NARS2: variants seen among roughly 807,000 people sequenced by gnomAD.
NARS2 encodes the protein asparaginyl-tRNA synthetase.
In NARS2, 60 loss-of-function variants were observed where a neutral mutation model predicts 62.9. The ratio of observed to expected loss-of-function variants is 0.95; its 90% CI spans 0.77 to 1.18. The LOEUF (loss-of-function observed/expected upper bound fraction) is 1.18, where lower values mean the gene tolerates loss of function less well. NARS2 is among the 50% of genes most tolerant of loss of function. The pLI is 0.00. For missense variants in NARS2, 619 were observed against 576.4 expected, an observed-to-expected ratio of 1.07 and a Z score of -0.76; for synonymous variants, 196 against 200.0, an observed-to-expected ratio of 0.98 and a Z score of 0.17.
chr11:78,490,977 T>G (rs1381539292), intron 7 of NARS2, among the ~76,000 whole-genome samples: 1 of 152,146 alleles, frequency 6.6e-6, no homozygotes, highest in Non-Finnish European at 1.5e-5. Flanking sequence ...TTTACTAATA[T>G]AACTGAGAAA....
At chr11:78,437,987 AAG>A (rs1555006461) in intron 13 of NARS2, among the ~76,000 whole-genome samples, 5 of 139,790 alleles carry the variant, frequency 3.6e-5, no homozygotes, top group African/African-American at 1.0e-4. Flanking sequence ...AAAAAAAAAA[AAG>A]AAAGAAAAAA....
intron 6 of NARS2, among the ~76,000 whole-genome samples, chr11:78,510,997 G>A (rs1050394395): frequency 6.6e-6 from 1 of 152,196 alleles, no homozygotes; most frequent in Non-Finnish European, 1.5e-5. Flanking sequence ...CCTAAGAGCA[G>A]GGGTGGGGAA....
At chr11:78,456,566 G>A (rs1858171131) in intron 11 of NARS2, among the ~76,000 whole-genome samples, 1 of 152,142 alleles carries the variant, frequency 6.6e-6, no homozygotes, top group Admixed American at 6.5e-5. Context: ...ACACCCCTTG[G>A]CTGAGTATTC....
intron 11 of NARS2, among the ~76,000 whole-genome samples, chr11:78,444,343 G>C (rs1857678160): frequency 6.6e-6 from 1 of 151,890 alleles, no homozygotes. Flanking sequence ...ATTGTTATTA[G>C]GACATATAAA....
chr11:78,486,829 G>A (rs1859595551), intron 7 of NARS2, among the ~76,000 whole-genome samples: 1 of 151,780 alleles, frequency 6.6e-6, no homozygotes. Context: ...ATTTGATGCA[G>A]GTATTATAAA....
chr11:78,553,871 G>GT (rs1856226263), intron 5 of NARS2, among the ~76,000 whole-genome samples: 1 of 152,112 alleles, frequency 6.6e-6, no homozygotes, highest in Non-Finnish European at 1.5e-5. Flanking sequence ...ACAGTTTTGG[G>GT]TTTTACATTT....
At chr11:78,462,646 A>G (rs77156814) in intron 11 of NARS2, among the ~76,000 whole-genome samples, 3,873 of 152,292 alleles carry the variant, frequency 0.025, 167 homozygotes, top group African/African-American at 0.089. Context: ...TGGAAATGCA[A>G]TCTATCTCTG....
intron 5 of NARS2, among the ~76,000 whole-genome samples, chr11:78,552,383 C>T (rs888572808): frequency 2.6e-5 from 4 of 152,052 alleles, no homozygotes; most frequent in Admixed American, 6.5e-5. Flanking sequence ...TTTCTTTATC[C>T]AGTCTGTCAC....
intron 11 of NARS2, among the ~76,000 whole-genome samples, chr11:78,450,985 T>C (rs1027831883): frequency 3.3e-5 from 5 of 152,302 alleles, no homozygotes; most frequent in East Asian, 1.9e-4. Flanking sequence ...CCAGCCCTTG[T>C]TGTCTTTTCT....
intron 11 of NARS2, among the ~76,000 whole-genome samples, chr11:78,456,786 C>T (rs1454276550): frequency 1.3e-5 from 2 of 152,154 alleles, no homozygotes; most frequent in African/African-American, 4.8e-5. Context: ...GAAGCCACTC[C>T]CCCAGCTGAA....
chr11:78,491,804 A>G (rs929746537), intron 7 of NARS2, among the ~76,000 whole-genome samples: 1 of 152,160 alleles, frequency 6.6e-6, no homozygotes, highest in African/African-American at 2.4e-5. Flanking sequence ...TTTGTTTACT[A>G]GGAAATCCAA....
chr11:78,519,527 TA>T (rs1241880494), intron 6 of NARS2, among the ~76,000 whole-genome samples: 1 of 152,184 alleles, frequency 6.6e-6, no homozygotes, highest in Non-Finnish European at 1.5e-5. Context: ...TGTATACAGT[TA>T]AAAAACCAGA....
At chr11:78,570,509 G>A (rs753787255) in intron 2 of NARS2, among the ~76,000 whole-genome samples, 12 of 152,130 alleles carry the variant, frequency 7.9e-5, no homozygotes, top group African/African-American at 2.7e-4. Context: ...AGCCTCAACC[G>A]CCCGAGTAGT....
chr11:78,446,962 C>T (rs1857782342), intron 11 of NARS2, among the ~76,000 whole-genome samples: 1 of 151,262 alleles, frequency 6.6e-6, no homozygotes, highest in African/African-American at 2.4e-5. Context: ...GGGGTTAATA[C>T]CCAAAATACA....
intron 11 of NARS2, among the ~76,000 whole-genome samples, chr11:78,454,729 T>G (rs1565208422): frequency 6.6e-6 from 1 of 151,842 alleles, no homozygotes; most frequent in African/African-American, 2.4e-5. Flanking sequence ...AGCGATTCTC[T>G]TGCCTCAGCC....
intron 7 of NARS2, among the ~76,000 whole-genome samples, chr11:78,479,551 G>A (rs1276768645): frequency 6.6e-6 from 1 of 152,138 alleles, no homozygotes; most frequent in Non-Finnish European, 1.5e-5. Context: ...GGTGCCCATA[G>A]GAGACTCATA....
chr11:78,436,854 A>G (rs775635475), intron 13 of NARS2, 40 bp from the exon 14 acceptor site: 2 of 1,563,894 alleles, frequency 1.3e-6, no homozygotes, highest in African/African-American at 1.4e-5. Flanking sequence ...TATATATAGT[A>G]TAAGACCAGA....
At chr11:78,549,529 G>C (rs1360759481) in intron 5 of NARS2, among the ~76,000 whole-genome samples, 1 of 152,196 alleles carries the variant, frequency 6.6e-6, no homozygotes, top group African/African-American at 2.4e-5. Context: ...AGGCTAAACT[G>C]TAGATTTCCT....
chr11:78,464,828 G>A (rs929041796), intron 11 of NARS2, among the ~76,000 whole-genome samples: 4 of 152,162 alleles, frequency 2.6e-5, no homozygotes, highest in Non-Finnish European at 5.9e-5. Context: ...ACAGAGTGCC[G>A]ATTGGTGTAT....
Sources: gnomAD v4.1 joint callset for allele counts (sites outside exome capture counted in the v4.1 genomes callset) on GRCh38, gnomAD v4.1.1 for gene constraint, MANE v1.5 for transcripts, NCBI Gene and HGNC (gene_info 2026-07-23, HGNC 2026-07-21) for gene names.